The following ITPR2 variants were observed in gnomAD, a reference collection of about 807,000 sequenced individuals.
ITPR2 encodes the protein inositol 1,4,5-trisphosphate receptor type 2, also known as inositol 1,4,5-trisphosphate-gated calcium channel ITPR2.
A neutral mutation model predicts 317.1 loss-of-function variants in ITPR2; 207 were observed. That is an observed-to-expected ratio of 0.65 (90% CI 0.58 to 0.73). ITPR2 has a LOEUF of 0.73. Among genes scored for constraint, ITPR2 ranks in the 30% least tolerant of loss-of-function variants. The probability of loss-of-function intolerance (pLI) is 0.00; values close to 1 mark genes in which losing one functional copy is unlikely to be tolerated. For missense variants in ITPR2, 2,613 were observed against 3,284.0 expected, an observed-to-expected ratio of 0.80 and a Z score of 4.99; for synonymous variants, 1,156 against 1,149.1, an observed-to-expected ratio of 1.01 and a Z score of -0.12.
intron 10 of ITPR2, among the ~76,000 whole-genome samples, chr12:26,690,582 A>C (rs185093349): frequency 6.6e-6 from 1 of 152,326 alleles, no homozygotes; most frequent in Non-Finnish European, 1.5e-5. Flanking sequence ...GAAGGAGTTA[A>C]TCCTCCTGCA....
At chr12:26,590,524 A>G (rs1945671544) in intron 32 of ITPR2, among the ~76,000 whole-genome samples, 1 of 152,232 alleles carries the variant, frequency 6.6e-6, no homozygotes. Context: ...TGGGGAAAAG[A>G]CAGTCTCTTC....
chr12:26,635,177 C>A (rs769234877), intron 21 of ITPR2, among the ~76,000 whole-genome samples: 1 of 152,178 alleles, frequency 6.6e-6, no homozygotes, highest in Non-Finnish European at 1.5e-5. Flanking sequence ...TACAGCTGTG[C>A]TGACCATAAT....
chr12:26,773,881 C>T (rs2137159521), intron 2 of ITPR2, among the ~76,000 whole-genome samples: 1 of 151,370 alleles, frequency 6.6e-6, no homozygotes, highest in Non-Finnish European at 1.5e-5. Context: ...TCCACTGCCA[C>T]TTAAGAGGTT....
At chr12:26,708,193 C>A (rs1462239537) in intron 9 of ITPR2, among the ~76,000 whole-genome samples, 1 of 152,054 alleles carries the variant, frequency 6.6e-6, no homozygotes, top group Non-Finnish European at 1.5e-5. Context: ...TATGGCGGTT[C>A]CTCAAAAAAC....
At chr12:26,634,282 C>T (rs139001748) in intron 21 of ITPR2, among the ~76,000 whole-genome samples, 1 of 152,308 alleles carries the variant, frequency 6.6e-6, no homozygotes, top group Non-Finnish European at 1.5e-5. Context: ...CCATGCAAAG[C>T]TTCTAATATC....
intron 32 of ITPR2, among the ~76,000 whole-genome samples, chr12:26,580,557 T>G (rs1945380096): frequency 6.6e-6 from 1 of 152,158 alleles, no homozygotes; most frequent in Non-Finnish European, 1.5e-5. Context: ...TGGTAGTTAG[T>G]AACTCCAAAC....
At chr12:26,405,254 G>T (rs1403723278) in intron 52 of ITPR2, among the ~76,000 whole-genome samples, 1 of 152,100 alleles carries the variant, frequency 6.6e-6, no homozygotes, top group African/African-American at 2.4e-5. Flanking sequence ...ACATTTAAAA[G>T]AACTAAATAT....
chr12:26,558,392 C>T (rs1362350990), intron 35 of ITPR2, among the ~76,000 whole-genome samples: 2 of 152,154 alleles, frequency 1.3e-5, no homozygotes, highest in Non-Finnish European at 2.9e-5. Context: ...CGTGAGTTTG[C>T]TGCAAGGATT....
intron 2 of ITPR2, among the ~76,000 whole-genome samples, chr12:26,761,038 C>T (rs1949621669): frequency 6.6e-6 from 1 of 152,188 alleles, no homozygotes; most frequent in South Asian, 2.1e-4. Flanking sequence ...CACCCCAGCA[C>T]CTGGCCAAGT....
At chr12:26,526,063 C>G (rs939247943) in intron 37 of ITPR2, among the ~76,000 whole-genome samples, 1 of 152,152 alleles carries the variant, frequency 6.6e-6, no homozygotes, top group African/African-American at 2.4e-5. Flanking sequence ...GAGAAGGTCC[C>G]CTTTCTTTCT....
intron 2 of ITPR2, among the ~76,000 whole-genome samples, chr12:26,778,568 C>T (rs762272942): frequency 4.6e-5 from 7 of 152,206 alleles, no homozygotes; most frequent in African/African-American, 1.2e-4. Flanking sequence ...AATTTGCCTT[C>T]GGCTGGCAAG....
intron 45 of ITPR2, among the ~76,000 whole-genome samples, chr12:26,463,602 T>A (rs1364854099): frequency 6.6e-6 from 1 of 151,852 alleles, no homozygotes; most frequent in Non-Finnish European, 1.5e-5. Context: ...GAGGCAGAGA[T>A]TGCACTGAGC....
intron 2 of ITPR2, among the ~76,000 whole-genome samples, chr12:26,728,150 T>C (rs1226730334): frequency 6.6e-6 from 1 of 152,138 alleles, no homozygotes. Context: ...ATGTGAAAGA[T>C]GGCATGAGCA....
chr12:26,354,821 A>G (rs1229539645), intron 55 of ITPR2, among the ~76,000 whole-genome samples: 2 of 152,072 alleles, frequency 1.3e-5, no homozygotes, highest in Admixed American at 6.6e-5. Flanking sequence ...GACACATGCC[A>G]TCTAACACGC....
intron 1 of ITPR2, among the ~76,000 whole-genome samples, chr12:26,820,393 C>A (rs1294857499): frequency 6.6e-6 from 1 of 152,046 alleles, no homozygotes; most frequent in East Asian, 1.9e-4. Context: ...TGGAGCCAAG[C>A]GCTTTGAGAT....
At chr12:26,378,350 C>T (rs564803860) in intron 55 of ITPR2, among the ~76,000 whole-genome samples, 6 of 151,858 alleles carry the variant, frequency 4.0e-5, no homozygotes, top group Non-Finnish European at 7.4e-5. Context: ...ACACGTGGGC[C>T]GAGGCTCCCA....
chr12:26,798,502 C>T (rs986260026), intron 1 of ITPR2, among the ~76,000 whole-genome samples: 2 of 152,184 alleles, frequency 1.3e-5, no homozygotes, highest in Non-Finnish European at 2.9e-5. Flanking sequence ...AAGCTAAATA[C>T]CAGCACTAAG....
At chr12:26,486,967 T>C (rs773805786) in intron 40 of ITPR2, 101 bp downstream of exon 40, 21 of 1,221,774 alleles carry the variant, frequency 1.7e-5, no homozygotes, top group Non-Finnish European at 2.4e-5. Flanking sequence ...GTGGGGATAA[T>C]TAAACCAAGA....
chr12:26,448,376 G>A (rs1297547076), intron 45 of ITPR2, among the ~76,000 whole-genome samples: 2 of 151,026 alleles, frequency 1.3e-5, no homozygotes, highest in Non-Finnish European at 1.5e-5. Flanking sequence ...CCATGGGGGG[G>A]AAATCTCTGG....
Sources: allele counts gnomAD v4.1 joint callset (sites outside exome capture counted in the v4.1 genomes callset), GRCh38; gene constraint gnomAD v4.1.1; transcripts MANE v1.5; gene names NCBI Gene and HGNC (gene_info 2026-07-23, HGNC 2026-07-21).